The following ADGRG6 variants were observed in gnomAD, a reference collection of about 807,000 sequenced individuals.
ADGRG6 encodes the protein adhesion G protein-coupled receptor G6.
ADGRG6 carries 84 observed loss-of-function variants against 142.4 expected under a neutral mutation model. The ratio of observed to expected loss-of-function variants is 0.59; its 90% CI spans 0.49 to 0.71. The LOEUF is 0.71. Ranked by LOEUF, ADGRG6 falls within the 30% of genes least tolerant of loss-of-function variation. The pLI is 0.00. For synonymous variants in ADGRG6, 521 were observed against 520.5 expected (o/e 1.00, Z -0.01); for missense variants, 1,367 against 1,466.6 (o/e 0.93, Z 1.11).
intron 6 of ADGRG6, among the ~76,000 whole-genome samples, chr6:142,389,254 AT>A (rs577794458): frequency 1.6e-3 from 244 of 150,648 alleles, no homozygotes; most frequent in African/African-American, 4.2e-3. Flanking sequence ...AAACTTTTAC[AT>A]TTTTTTTTCT....
chr6:142,434,470 G>A (rs1777380202), intron 22 of ADGRG6, among the ~76,000 whole-genome samples: 1 of 151,926 alleles, frequency 6.6e-6, no homozygotes, highest in Admixed American at 6.6e-5. Flanking sequence ...GATTACAGGT[G>A]CCAACCACCA....
At chr6:142,370,861 A>C in intron 4 of ADGRG6, 68 bp downstream of exon 4, 1 of 1,457,686 alleles carries the variant, frequency 6.9e-7, no homozygotes, top group South Asian at 1.2e-5. Flanking sequence ...ATTGTCAACA[A>C]AGAATTATAC....
In ADGRG6 at chr6:142,423,212, T is replaced by C. The variant is rs1441979739; in HGVS notation, c.3319+3108T>C. Among the ~76,000 whole-genome samples the C allele has an allele frequency of 4.4e-4, 63 of 142,924 alleles. No homozygotes were observed. In the East Asian group the frequency reaches 0.01, roughly 23 times the overall value. 93.8% of individuals were successfully genotyped at this position (142,924 alleles called of 152,430 possible). A position where few individuals can be genotyped will look rare whatever the true frequency, so the allele number is the denominator to read the frequency against. ...ATTTTGGCTTTTGTTGCCATTGCTTTTGGTGTTTTGGACATGAAGTCCTTG... is the reference window on the plus strand; with the variant it reads ...ATTTTGGCTTTTGTTGCCATTGCTTCTGGTGTTTTGGACATGAAGTCCTTG... On this transcript the variant is annotated intron_variant, in intron 22 of 24. Coordinates refer to ENST00000367609, the MANE Select transcript of ADGRG6 (RefSeq NM_198569.3).
At chr6:142,352,940 A>C (rs1365186389) in intron 2 of ADGRG6, among the ~76,000 whole-genome samples, 1 of 152,138 alleles carries the variant, frequency 6.6e-6, no homozygotes, top group Non-Finnish European at 1.5e-5. Flanking sequence ...GGCATGCCAC[A>C]AGGTATTCAG....
chr6:142,379,857 C>T (rs1054093882), intron 4 of ADGRG6, among the ~76,000 whole-genome samples: 2 of 152,152 alleles, frequency 1.3e-5, no homozygotes, highest in Admixed American at 1.3e-4. Flanking sequence ...GTTTATTTTT[C>T]CGAAGTTAAG....
intron 2 of ADGRG6, among the ~76,000 whole-genome samples, chr6:142,362,459 C>A (rs1468635105): frequency 2.0e-5 from 3 of 152,068 alleles, no homozygotes; most frequent in Non-Finnish European, 4.4e-5. Context: ...ATTGGAATGA[C>A]CAATGTAACC....
At chr6:142,340,344 C>A (rs1779553777) in intron 2 of ADGRG6, among the ~76,000 whole-genome samples, 4 of 151,956 alleles carry the variant, frequency 2.6e-5, no homozygotes, top group Admixed American at 2.6e-4. Context: ...TCTTGAATAA[C>A]CTTATTATTC....
At chr6:142,375,641 C>A (rs963984655) in intron 4 of ADGRG6, among the ~76,000 whole-genome samples, 8 of 152,090 alleles carry the variant, frequency 5.3e-5, no homozygotes, top group African/African-American at 1.9e-4. Flanking sequence ...TAATTTCCAA[C>A]AAACTAATCA....
rs1442390258 is a variant in ADGRG6 at position 142,348,008 on chromosome 6, C to T, written c.104-19561C>T. ...TTCATAAATATGTTTTGAATTTGACCTTCACAGGGAACATTTTAAGTATCA... is the reference window on the plus strand; with the variant it reads ...TTCATAAATATGTTTTGAATTTGACTTTCACAGGGAACATTTTAAGTATCA... On this transcript the variant is annotated intron_variant, in intron 2 of 24. Transcript: ENST00000367609. 5.9e-5 allele frequency among the ~76,000 whole-genome samples: 9 copies of T among 152,030 alleles called. No homozygotes were observed. In the East Asian group the frequency reaches 1.7e-3, roughly 29 times the overall value.
intron 10 of ADGRG6, among the ~76,000 whole-genome samples, chr6:142,399,213 G>A (rs929173429): frequency 5.3e-5 from 8 of 152,200 alleles, no homozygotes; most frequent in African/African-American, 1.9e-4. Context: ...CAGCCTTGAA[G>A]AGGGCGATTG....
In ADGRG6 at chr6:142,370,416, G is replaced by A. The variant is rs754502589; in HGVS notation, c.692G>A (p.Cys231Tyr). 1.2e-6 allele frequency: 2 copies of A among 1,613,556 alleles called. No homozygotes were observed. Among genetic ancestry groups the A allele is most frequent in the Admixed American group, 1.7e-5 (1 of 60,000 alleles). The change falls in exon 4 of 25, where the codon TGT becomes TAT. Residue 231 changes from cysteine (C) to tyrosine (Y), a missense_variant. Cys to Tyr is a radical substitution (Grantham distance 194). Around this residue, in one of 3 missense-constraint regions of ADGRG6, gnomAD observed 737 missense variants for 746.5 expected, o/e 0.99. Transcript: ENST00000367609. ...TTTCTATCCATTTCTGATTCAAAAT[G>A]TTTGTTGAATAATGCATTACCTGTC... The part of the protein sequence containing the change: ...GYFLSISDSK[C>Y]LLNNALPVKE...
intron 18 of ADGRG6, among the ~76,000 whole-genome samples, chr6:142,412,127 C>T (rs1037497562): frequency 6.6e-5 from 10 of 152,144 alleles, no homozygotes; most frequent in Non-Finnish European, 1.2e-4. Flanking sequence ...AATTTTAAGA[C>T]GCACCACGCA....
intron 1 of ADGRG6, 91 bp from the exon 2 acceptor site, chr6:142,309,453 G>A: frequency 1.3e-6 from 1 of 773,992 alleles, no homozygotes. Flanking sequence ...TTATTTTCCA[G>A]TCCCTACTGG....
chr6:142,342,206 G>GA (rs992400780), intron 2 of ADGRG6, among the ~76,000 whole-genome samples: 4 of 150,510 alleles, frequency 2.7e-5, no homozygotes, highest in Non-Finnish European at 5.9e-5. Flanking sequence ...TAACTGAATG[G>GA]AAAAAAAAAT....
At chr6:142,305,429 T>TACAC (rs5880531) in intron 1 of ADGRG6, among the ~76,000 whole-genome samples, 3,120 of 120,716 alleles carry the variant, frequency 0.026, 111 homozygotes, top group African/African-American at 0.078. Flanking sequence ...GCCCCTCCTG[T>TACAC]ACACACACAC....
At chr6:142,362,840 C>T (rs1366970136) in intron 2 of ADGRG6, among the ~76,000 whole-genome samples, 1 of 152,036 alleles carries the variant, frequency 6.6e-6, no homozygotes, top group Non-Finnish European at 1.5e-5. Context: ...GGTATTAGAA[C>T]TGATTCTAGA....
chr6:142,353,129 C>T (rs900307955), intron 2 of ADGRG6, among the ~76,000 whole-genome samples: 1 of 152,128 alleles, frequency 6.6e-6, no homozygotes, highest in Non-Finnish European at 1.5e-5. Context: ...CCTCTACTTC[C>T]GTTTTTATTG....
chr6:142,373,386 C>CAAACAAATAATATTTGTTTG lies in ADGRG6; in HGVS notation c.1069+2612_1069+2613insGAAACAAATAATATTTGTTT, dbSNP rs1272806562. On this transcript the variant is annotated intron_variant, in intron 4 of 24. Coordinates refer to ENST00000367609, the MANE Select transcript of ADGRG6 (RefSeq NM_198569.3). The stretch of plus-strand genomic sequence containing the variant: ...TTGCAGTGTGTTAACATATTTGTTT[C>CAAACAAATAATATTTGTTTG]AAACAAATAATATTTGTTTCCCACA... 2.4e-4 allele frequency among the ~76,000 whole-genome samples: 37 copies of CAAACAAATAATATTTGTTTG among 151,722 alleles called. No individual in the cohort carries two copies. In the Middle Eastern group the frequency reaches 0.014, roughly 56 times the overall value.
At chr6:142,441,859 C>A (rs1396575645) in intron 24 of ADGRG6, among the ~76,000 whole-genome samples, 1 of 152,178 alleles carries the variant, frequency 6.6e-6, no homozygotes, top group East Asian at 1.9e-4. Flanking sequence ...CTCCTTGAGC[C>A]TTTTCCTTGC....
Sources: gnomAD v4.1 joint callset for allele counts (sites outside exome capture counted in the v4.1 genomes callset) on GRCh38, gnomAD v4.1.1 for gene constraint, gnomAD v4.1.1 regional missense constraint, MANE v1.5 for transcripts, NCBI Gene and HGNC (gene_info 2026-07-23, HGNC 2026-07-21) for gene names.